Variants in NRCAM observed in about 807,000 individuals in gnomAD.
The protein encoded by NRCAM is neuronal cell adhesion molecule, also known as NgCAM-related cell adhesion molecule.
Under a neutral mutation model 156.5 loss-of-function variants are expected in NRCAM, and 83 were observed. That is an observed-to-expected ratio of 0.53 (90% confidence interval 0.44 to 0.64). The LOEUF is 0.64. Ranked by LOEUF, NRCAM falls within the 30% of genes least tolerant of loss-of-function variation. The pLI is 0.00. For missense variants in NRCAM, 1,417 were observed against 1,597.3 expected, an observed-to-expected ratio of 0.89 and a Z score of 1.92; for synonymous variants, 538 against 563.9, an observed-to-expected ratio of 0.95 and a Z score of 0.65.
intron 1 of NRCAM, among the ~76,000 whole-genome samples, chr7:108,422,776 A>AAAAGAGG: frequency 6.6e-6 from 1 of 152,228 alleles, no homozygotes; most frequent in Non-Finnish European, 1.5e-5. Context: ...CTAAATATAT[A>AAAAGAGG]AAAGAGGCCA....
chr7:108,390,901 C>A (rs1246583647), intron 2 of NRCAM, among the ~76,000 whole-genome samples: 1 of 144,766 alleles, frequency 6.9e-6, no homozygotes, highest in Non-Finnish European at 1.5e-5. Flanking sequence ...GTTTCTTAAT[C>A]CTGAGTTCTA....
Position 108,149,976 on chromosome 7 carries a change from C to G in NRCAM, c.3849G>C (p.Glu1283Asp). 6.2e-7 allele frequency: 1 copy of G among 1,614,018 alleles called. No individual in the cohort carries two copies. Among genetic ancestry groups the G allele is most frequent in the East Asian group, 2.2e-5 (1 of 44,886 alleles). ...CTGAGCTTTCGTTTCCTTCAGCCGG[C>G]TCTTTCTCTTTCTTACCACTGTATT... The part of the protein sequence containing the change: ...IGQYSGKKEK[E>D]PAEGNESSEA... The change falls in exon 33 of 33, where the codon GAG becomes GAC. Residue 1283 changes from glutamate to aspartate, a missense_variant. Physicochemically the swap from Glu to Asp is conservative, Grantham distance 45 (BLOSUM62 2). This residue lies in a region of NRCAM where 179 missense variants were observed against 260.9 expected (regional missense o/e 0.69). Transcript: ENST00000379028.
intron 1 of NRCAM, among the ~76,000 whole-genome samples, chr7:108,440,244 G>A (rs1427303980): frequency 2.6e-5 from 4 of 152,014 alleles, no homozygotes; most frequent in Non-Finnish European, 4.4e-5. Context: ...AGACACAAAA[G>A]ATTCTATAGT....
rs138861240 is a variant in NRCAM at position 108,244,042 on chromosome 7, C to G, written c.-106-3872G>C. Among the ~76,000 whole-genome samples the G allele has an allele frequency of 3.0e-3, 454 of 152,238 alleles. 2 individuals carry two copies. Among genetic ancestry groups the G allele is most frequent in the African/African-American group, 0.01 (430 of 41,554 alleles). ...CATCAAGCCTGAGAGAAACAGCTCT[C>G]CTGTTGCTTACTTAAGAAGTCTTGT... On this transcript the variant is annotated intron_variant, in intron 3 of 32. Transcript: ENST00000379028.
intron 2 of NRCAM, among the ~76,000 whole-genome samples, chr7:108,392,244 C>T (rs1013815311): frequency 2.0e-5 from 3 of 152,170 alleles, no homozygotes; most frequent in South Asian, 4.1e-4. Flanking sequence ...TTCACATAGT[C>T]CCATATTTCT....
chr7:108,234,992 T>C, intron 5 of NRCAM: 2 of 465,346 alleles, frequency 4.3e-6, no homozygotes, highest in Admixed American at 3.2e-5. Flanking sequence ...TCTTTTCTGA[T>C]GTAACAATGA....
chr7:108,363,489 G>T (rs925939760), intron 2 of NRCAM, among the ~76,000 whole-genome samples: 2 of 152,110 alleles, frequency 1.3e-5, no homozygotes, highest in African/African-American at 4.8e-5. Flanking sequence ...CTCAAACCAT[G>T]TGCCTGCCTT....
At chr7:108,428,854 T>G (rs1159951180) in intron 1 of NRCAM, among the ~76,000 whole-genome samples, 1 of 152,132 alleles carries the variant, frequency 6.6e-6, no homozygotes, top group East Asian at 1.9e-4. Flanking sequence ...ATTAATTGAT[T>G]GGAGGGCAAA....
chr7:108,182,747 G>A lies in NRCAM; in HGVS notation c.2478C>T (p.Asp826=). 6.2e-7 allele frequency: 1 copy of A among 1,614,236 alleles called. No homozygotes were observed. The highest frequency in any genetic ancestry group is 8.5e-7 in the Non-Finnish European group (1 of 1,180,046). Residue 826 remains aspartate (D), a synonymous_variant, in exon 23 of 33, where the codon GAC becomes GAT. Coordinates refer to ENST00000379028, the MANE Select transcript of NRCAM (RefSeq NM_001037132.4). ...PYLIKVQALN[D]MGFAPEPAVV... is the part of the protein sequence containing the mutation. The stretch of plus-strand genomic sequence containing the variant: ...CAGCTGGCTCGGGGGCAAACCCCAT[G>A]TCATTCAGGGCCTGAACTTTGATCA...
chr7:108,218,117 G>A (rs189483048), intron 11 of NRCAM, among the ~76,000 whole-genome samples: 4 of 151,704 alleles, frequency 2.6e-5, no homozygotes, highest in East Asian at 3.9e-4. Flanking sequence ...TATCTGGGCC[G>A]GAATGCACTG....
intron 1 of NRCAM, among the ~76,000 whole-genome samples, chr7:108,428,261 C>G (rs1009126268): frequency 6.6e-6 from 1 of 151,966 alleles, no homozygotes; most frequent in African/African-American, 2.4e-5. Flanking sequence ...CTTTATTTTT[C>G]GCTAAAAATA....
At chr7:108,352,311 T>C (rs1456484769) in intron 2 of NRCAM, among the ~76,000 whole-genome samples, 3 of 152,210 alleles carry the variant, frequency 2.0e-5, no homozygotes, top group African/African-American at 7.2e-5. Flanking sequence ...ATTAAGAGCA[T>C]CTTAATTACT....
intron 3 of NRCAM, among the ~76,000 whole-genome samples, chr7:108,311,714 G>A (rs2098806043): frequency 6.6e-6 from 1 of 152,174 alleles, no homozygotes; most frequent in African/African-American, 2.4e-5. Context: ...AGCAAATTCA[G>A]CTGAGGCATG....
At chr7:108,155,221 A>G (rs1254729170) in intron 32 of NRCAM, among the ~76,000 whole-genome samples, 1 of 151,608 alleles carries the variant, frequency 6.6e-6, no homozygotes, top group Non-Finnish European at 1.5e-5. Context: ...AAACAGGTAA[A>G]AATTCATTCA....
intron 1 of NRCAM, among the ~76,000 whole-genome samples, chr7:108,437,721 A>T (rs1365165483): frequency 6.6e-6 from 1 of 152,200 alleles, no homozygotes; most frequent in African/African-American, 2.4e-5. Context: ...AAAAAAACAC[A>T]TTTCCATGTA....
At chr7:108,160,985 T>G (rs997307999) in intron 30 of NRCAM, among the ~76,000 whole-genome samples, 1 of 152,164 alleles carries the variant, frequency 6.6e-6, no homozygotes, top group African/African-American at 2.4e-5. Flanking sequence ...TTTTTAGAAA[T>G]CTGTTAAAAA....
intron 2 of NRCAM, among the ~76,000 whole-genome samples, chr7:108,354,643 C>A (rs2024491): frequency 0.099 from 15,130 of 152,070 alleles, 926 homozygotes; most frequent in African/African-American, 0.17. Context: ...GCCTGTAATC[C>A]CAGCACTTTG....
intron 13 of NRCAM, among the ~76,000 whole-genome samples, chr7:108,205,229 TAGC>T (rs1322172275): frequency 6.6e-6 from 1 of 152,180 alleles, no homozygotes; most frequent in Non-Finnish European, 1.5e-5. Context: ...TGAGGACACA[TAGC>T]AGCATCTGTG....
intron 2 of NRCAM, among the ~76,000 whole-genome samples, chr7:108,386,111 G>A (rs1006364026): frequency 6.6e-6 from 1 of 152,080 alleles, no homozygotes. Flanking sequence ...AACTAGAAAT[G>A]AAAGGAAAAC....
Sources: gnomAD v4.1 joint callset for allele counts (sites outside exome capture counted in the v4.1 genomes callset) on GRCh38, gnomAD v4.1.1 for gene constraint, gnomAD v4.1.1 regional missense constraint, MANE v1.5 for transcripts, NCBI Gene and HGNC (gene_info 2026-07-23, HGNC 2026-07-21) for gene names.